Variants in RASGEF1C observed in about 807,000 individuals in gnomAD.
RASGEF1C encodes RasGEF domain family member 1C.
Under a neutral mutation model 58.1 loss-of-function variants are expected in RASGEF1C, and 27 were observed. The observed-to-expected ratio is 0.46, with a 90% confidence interval of 0.34 to 0.64. RASGEF1C has a LOEUF of 0.64. Among genes scored for constraint, RASGEF1C ranks in the 30% least tolerant of loss-of-function variants. RASGEF1C has a pLI of 0.01. For missense variants in RASGEF1C, 502 were observed against 605.1 expected (o/e 0.83, Z 1.79); for synonymous variants, 243 against 246.3 (o/e 0.99, Z 0.13).
intron 12 of RASGEF1C, among the ~76,000 whole-genome samples, chr5:180,105,271 T>A (rs1765856369): frequency 6.6e-6 from 1 of 152,114 alleles, no homozygotes; most frequent in Admixed American, 6.6e-5. Context: ...GCATCACTGC[T>A]CAGGTACTTT....
intron 4 of RASGEF1C, among the ~76,000 whole-genome samples, chr5:180,130,382 TG>T (rs1385715992): frequency 6.6e-6 from 1 of 152,122 alleles, no homozygotes; most frequent in Non-Finnish European, 1.5e-5. Flanking sequence ...ATCTGAGTGC[TG>T]GGAAGATGGG....
Position 180,197,080 on chromosome 5 carries a change from A to G in RASGEF1C, c.-7+11948T>C, listed in dbSNP as rs1319585209. 6.6e-6 allele frequency among the ~76,000 whole-genome samples: 1 copy of G among 152,152 alleles called. No homozygotes were observed. ...CCACAGGGCAGGGCTGCTCTCACTG[A>G]CAGGCGCCTGTGGCCAGCCTGCCTC... On this transcript the variant is annotated intron_variant, in intron 1 of 13. Coordinates refer to ENST00000361132, the MANE Select transcript of RASGEF1C (RefSeq NM_175062.4). The surrounding 1 kb of genome is among the most constrained non-coding windows in gnomAD (Gnocchi z 4.7).
At position 180,149,245 on chromosome 5, in the gene RASGEF1C, G is replaced by A. The variant is rs1205870456; in HGVS notation, c.-6-11187C>T. ...TGGGACTACAGGTACACACTACCAC[G>A]CCCAGCTAATTTTTGTATTTTTAGT... On this transcript the variant is annotated intron_variant, in intron 1 of 13. Coordinates refer to ENST00000361132, the MANE Select transcript of RASGEF1C (RefSeq NM_175062.4). 2.0e-5 allele frequency among the ~76,000 whole-genome samples: 3 copies of A among 151,504 alleles called. No individual in the cohort carries two copies. In the East Asian group the frequency reaches 5.8e-4, roughly 29 times the overall value.
At chr5:180,114,253 C>A (rs779342597) in intron 11 of RASGEF1C, among the ~76,000 whole-genome samples, 193 bp downstream of exon 11, 5 of 152,172 alleles carry the variant, frequency 3.3e-5, no homozygotes, top group African/African-American at 1.2e-4. Flanking sequence ...TGGACATGAC[C>A]CTGAGCCTCA....
At chr5:180,157,019 T>G (rs1766861131) in intron 1 of RASGEF1C, among the ~76,000 whole-genome samples, 1 of 152,176 alleles carries the variant, frequency 6.6e-6, no homozygotes, top group South Asian at 2.1e-4. Context: ...CACCACCAAA[T>G]GCTGGTAAGG....
intron 3 of RASGEF1C, chr5:180,136,862 C>T (rs1867453): frequency 0.013 from 3,691 of 276,298 alleles, 130 homozygotes; most frequent in African/African-American, 0.077. Context: ...CAGGCATACG[C>T]CATCGTGCAC....
chr5:180,125,399 A>G lies in RASGEF1C; in HGVS notation c.714+2210T>C, dbSNP rs78629666. On this transcript the variant is annotated intron_variant, in intron 6 of 13. Transcript: ENST00000361132. ...TCATACTCTATTGGGACAACACGTT[A>G]AAAGCATTCCTTTGAAAATCAGGAT... is the stretch of plus-strand genomic sequence containing the variant. Among the ~76,000 whole-genome samples, 1,306 of 152,356 alleles carry G rather than the reference A, an allele frequency of 8.6e-3. 19 individuals carry two copies. The highest frequency in any genetic ancestry group is 0.03 in the African/African-American group (1,244 of 41,588).
chr5:180,206,850 TGTGATAATGC>T (rs1400970320), intron 1 of RASGEF1C, among the ~76,000 whole-genome samples: 2 of 152,194 alleles, frequency 1.3e-5, no homozygotes, highest in African/African-American at 4.8e-5. Flanking sequence ...GGCTAACTTT[TGTGATAATGC>T]TTAAATGACT....
intron 1 of RASGEF1C, among the ~76,000 whole-genome samples, chr5:180,139,330 T>C (rs1333147936): frequency 6.6e-6 from 1 of 152,218 alleles, no homozygotes; most frequent in African/African-American, 2.4e-5. Flanking sequence ...TTCTATGGAC[T>C]CTGAGGCTCC....
At chr5:180,171,164 G>A (rs1322766240) in intron 1 of RASGEF1C, among the ~76,000 whole-genome samples, 1 of 152,134 alleles carries the variant, frequency 6.6e-6, no homozygotes, top group Non-Finnish European at 1.5e-5. Flanking sequence ...TCTTCAGGGG[G>A]AAGGAGCCAG....
chr5:180,159,340 A>C (rs1766901498), intron 1 of RASGEF1C, among the ~76,000 whole-genome samples: 1 of 151,978 alleles, frequency 6.6e-6, no homozygotes, highest in African/African-American at 2.4e-5. Flanking sequence ...GGATTTCACC[A>C]TGTTGCCCAG....
At chr5:180,169,345 G>A (rs1372930148) in intron 1 of RASGEF1C, among the ~76,000 whole-genome samples, 1 of 152,160 alleles carries the variant, frequency 6.6e-6, no homozygotes, top group Admixed American at 6.5e-5. Context: ...CCTCGCCTCG[G>A]AGTAAGGGCC....
intron 10 of RASGEF1C, among the ~76,000 whole-genome samples, chr5:180,116,094 G>A (rs1030089643): frequency 2.0e-5 from 3 of 152,210 alleles, no homozygotes; most frequent in East Asian, 3.9e-4. Context: ...AAGAGGTGGC[G>A]CGTCCCATAC....
At chr5:180,208,077 C>CT (rs1276940097) in intron 1 of RASGEF1C, among the ~76,000 whole-genome samples, 1 of 152,150 alleles carries the variant, frequency 6.6e-6, no homozygotes. Context: ...CAACCCTAGC[C>CT]CCCCTCCACC....
At chr5:180,200,274 T>G (rs1214763650) in intron 1 of RASGEF1C, among the ~76,000 whole-genome samples, 1 of 149,352 alleles carries the variant, frequency 6.7e-6, no homozygotes, top group Non-Finnish European at 1.5e-5. Context: ...ATTGATGGAT[T>G]TATTTAATAG....
intron 1 of RASGEF1C, among the ~76,000 whole-genome samples, chr5:180,194,897 TCTC>T (rs1398902326): frequency 6.6e-6 from 1 of 151,526 alleles, no homozygotes; most frequent in Non-Finnish European, 1.5e-5. Context: ...AGCTGCGGCT[TCTC>T]CTGGCTTCTC....
intron 1 of RASGEF1C, among the ~76,000 whole-genome samples, chr5:180,170,198 C>G (rs1297738595): frequency 6.6e-6 from 1 of 152,190 alleles, no homozygotes; most frequent in East Asian, 1.9e-4. Context: ...ATGATGGCCC[C>G]CGGGATGCGG....
chr5:180,136,663 G>A (rs1207299594), intron 3 of RASGEF1C, 148 bp from the exon 4 acceptor site: 3 of 790,514 alleles, frequency 3.8e-6, no homozygotes, highest in East Asian at 5.6e-5. Flanking sequence ...GTGCGATCCT[G>A]CTCTGCGCCC....
intron 12 of RASGEF1C, among the ~76,000 whole-genome samples, chr5:180,103,256 T>G (rs898671026): frequency 3.9e-5 from 6 of 152,160 alleles, no homozygotes; most frequent in Non-Finnish European, 7.3e-5. Context: ...GTTTTGTATT[T>G]TTAGTAGAGA....
Sources: allele counts gnomAD v4.1 joint callset (sites outside exome capture counted in the v4.1 genomes callset), GRCh38; gene constraint gnomAD v4.1.1; non-coding constraint Gnocchi (gnomAD v3.1); transcripts MANE v1.5; gene names NCBI Gene and HGNC (gene_info 2026-07-23, HGNC 2026-07-21).